The following PCDHA7 variants were observed in gnomAD, a reference collection of about 807,000 sequenced individuals.
The protein encoded by PCDHA7 is protocadherin alpha-7.
A neutral mutation model predicts 57.2 loss-of-function variants in PCDHA7; 37 were observed. The observed-to-expected ratio is 0.65, with a 90% CI of 0.50 to 0.85. The LOEUF is 0.85. PCDHA7 is among the 40% of genes least tolerant of loss of function. The pLI is 0.00. For missense variants in PCDHA7, 1,188 were observed against 1,241.8 expected, an observed-to-expected ratio of 0.96 and a Z score of 0.65; for synonymous variants, 553 against 558.8, an observed-to-expected ratio of 0.99 and a Z score of 0.15.
intron 1 of PCDHA7, among the ~76,000 whole-genome samples, chr5:140,913,185 G>A (rs1331767738): frequency 2.6e-5 from 4 of 152,166 alleles, no homozygotes; most frequent in African/African-American, 9.7e-5. Flanking sequence ...TAAATGTTTG[G>A]TAGAATTTGG....
rs143002904 is a variant in PCDHA7, at chr5:140,856,290, G to T, written c.2355+19552G>T. 5.0e-6 allele frequency: 8 copies of T among 1,598,368 alleles called. 2 individuals are homozygous for T. The African/African-American group carries it at 8.1e-5, about 16-fold the overall frequency. ...CTTCTGGAGGTAAATCTGCAGAATGGCATTTTGTTTGTGAATTCTCGGATT... is the reference window on the plus strand; with the variant it reads ...CTTCTGGAGGTAAATCTGCAGAATGTCATTTTGTTTGTGAATTCTCGGATT... On this transcript the variant is annotated intron_variant, in intron 1 of 3. Coordinates refer to ENST00000525929, the MANE Select transcript of PCDHA7 (RefSeq NM_018910.3).
chr5:140,896,256 C>T (rs1335099704), intron 1 of PCDHA7, among the ~76,000 whole-genome samples: 3 of 152,192 alleles, frequency 2.0e-5, no homozygotes, highest in Non-Finnish European at 4.4e-5. Flanking sequence ...TGGTTATGTA[C>T]ACAGTTATGG....
chr5:140,904,082 C>T (rs1189911248), intron 1 of PCDHA7, among the ~76,000 whole-genome samples: 3 of 152,108 alleles, frequency 2.0e-5, no homozygotes, highest in African/African-American at 7.2e-5. Context: ...TATTTGGTTA[C>T]ATGAATAACT....
At chr5:140,841,324 G>A in intron 1 of PCDHA7, 1 of 1,601,518 alleles carries the variant, frequency 6.2e-7, no homozygotes. Flanking sequence ...TATTTAACAT[G>A]GATTATCACT....
intron 1 of PCDHA7, among the ~76,000 whole-genome samples, chr5:140,845,069 G>A (rs1323503087): frequency 6.7e-6 from 1 of 149,464 alleles, no homozygotes; most frequent in Non-Finnish European, 1.5e-5. Context: ...CCTCAAAGCA[G>A]CATTGTTTTG....
chr5:140,993,293 A>G (rs1445204823), intron 3 of PCDHA7, among the ~76,000 whole-genome samples: 1 of 152,062 alleles, frequency 6.6e-6, no homozygotes, highest in African/African-American at 2.4e-5. Flanking sequence ...CAGGGTCACA[A>G]CCTTGCCTCC....
At chr5:140,884,532 G>A in intron 1 of PCDHA7, 2 of 1,614,042 alleles carry the variant, frequency 1.2e-6, no homozygotes, top group South Asian at 2.2e-5. Flanking sequence ...CAGCAGAGGC[G>A]GCCGAGGGTG....
At chr5:140,941,743 C>G (rs2093156279) in intron 1 of PCDHA7, among the ~76,000 whole-genome samples, 1 of 152,172 alleles carries the variant, frequency 6.6e-6, no homozygotes, top group Admixed American at 6.5e-5. Context: ...ATTATCTTAT[C>G]AGATTTTCAG....
chr5:140,961,515 C>T (rs2095619049), intron 1 of PCDHA7, among the ~76,000 whole-genome samples: 1 of 152,092 alleles, frequency 6.6e-6, no homozygotes, highest in Admixed American at 6.5e-5. Flanking sequence ...TTTAATGTCT[C>T]CACAAATTCT....
chr5:140,876,378 T>G (rs1554168503), intron 1 of PCDHA7: 1 of 1,613,948 alleles, frequency 6.2e-7, no homozygotes. Flanking sequence ...CAGGTGAAAT[T>G]AGAATTTATG....
chr5:141,003,425 C>A (rs1344914063), intron 3 of PCDHA7, among the ~76,000 whole-genome samples: 1 of 152,138 alleles, frequency 6.6e-6, no homozygotes, highest in Non-Finnish European at 1.5e-5. Context: ...GATTCTTATG[C>A]CTCAGCCTCC....
chr5:140,884,014 G>T, intron 1 of PCDHA7: 2 of 1,613,168 alleles, frequency 1.2e-6, no homozygotes, highest in Non-Finnish European at 1.7e-6. Context: ...AGCTGATGCC[G>T]CGGTCGGTGG....
At chr5:140,937,370 TTATG>T (rs2091504322) in intron 1 of PCDHA7, among the ~76,000 whole-genome samples, 1 of 152,120 alleles carries the variant, frequency 6.6e-6, no homozygotes, top group South Asian at 2.1e-4. Flanking sequence ...ATCTTAATGT[TTATG>T]TGTGTGTATG....
At chr5:140,849,641 C>T (rs2150443548) in intron 1 of PCDHA7, 8 of 1,598,742 alleles carry the variant, frequency 5.0e-6, no homozygotes, top group East Asian at 2.2e-5. Flanking sequence ...CAGATGCCAA[C>T]GGGCAGGTTA....
chr5:140,952,857 G>T (rs2094808262), intron 1 of PCDHA7, among the ~76,000 whole-genome samples: 1 of 152,120 alleles, frequency 6.6e-6, no homozygotes, highest in Non-Finnish European at 1.5e-5. Context: ...TTCTGGGGAG[G>T]CCTCAGGAAA....
intron 1 of PCDHA7, 78 bp from the exon 2 acceptor site, chr5:140,978,871 T>G: frequency 6.2e-7 from 1 of 1,606,510 alleles, no homozygotes; most frequent in Non-Finnish European, 8.5e-7. Context: ...TTTAAGGGAG[T>G]AACTAATCAA....
At chr5:140,970,753 C>T (rs1282500516) in intron 1 of PCDHA7, among the ~76,000 whole-genome samples, 1 of 152,176 alleles carries the variant, frequency 6.6e-6, no homozygotes, top group Non-Finnish European at 1.5e-5. Context: ...AATATATTTT[C>T]ATTGACATAT....
chr5:140,895,442 C>T (rs2065008027), intron 1 of PCDHA7, among the ~76,000 whole-genome samples: 1 of 152,148 alleles, frequency 6.6e-6, no homozygotes. Context: ...AGACTCTTTT[C>T]ATGTGCTTAT....
At chr5:140,993,137 A>G (rs1336525759) in intron 3 of PCDHA7, among the ~76,000 whole-genome samples, 12 of 152,212 alleles carry the variant, frequency 7.9e-5, no homozygotes, top group African/African-American at 2.7e-4. Flanking sequence ...CTGTTGCAAC[A>G]AGTATAAATG....
Sources: gnomAD v4.1 joint callset for allele counts (sites outside exome capture counted in the v4.1 genomes callset) on GRCh38, gnomAD v4.1.1 for gene constraint, MANE v1.5 for transcripts, NCBI Gene and HGNC (gene_info 2026-07-23, HGNC 2026-07-21) for gene names.